Variants in CACNA2D3 observed in about 807,000 individuals in gnomAD.
CACNA2D3 encodes voltage-dependent calcium channel subunit alpha-2/delta-3.
In CACNA2D3, 60 loss-of-function variants were observed where a neutral mutation model predicts 160.6. The ratio of observed to expected loss-of-function variants is 0.37; its 90% CI spans 0.30 to 0.46. CACNA2D3 has a LOEUF of 0.46. Among genes scored for constraint, CACNA2D3 ranks in the 20% least tolerant of loss-of-function variants. CACNA2D3 has a pLI of 1.00. For missense variants in CACNA2D3, 1,205 were observed against 1,365.0 expected, an observed-to-expected ratio of 0.88 and a Z score of 1.85; for synonymous variants, 558 against 492.9, an observed-to-expected ratio of 1.13 and a Z score of -1.75.
chr3:54,385,838 A>G, intron 3 of CACNA2D3: 1 of 461,386 alleles, frequency 2.2e-6, no homozygotes, highest in South Asian at 1.6e-5. Flanking sequence ...TGACCACAGG[A>G]GAAATAGAAG....
At chr3:54,987,325 T>C (rs1271729789) in intron 30 of CACNA2D3, among the ~76,000 whole-genome samples, 3 of 152,218 alleles carry the variant, frequency 2.0e-5, no homozygotes, top group Admixed American at 6.5e-5. Context: ...AGTCTGTTTC[T>C]GCCTATATGA....
chr3:54,976,213 A>G (rs1025929705), intron 29 of CACNA2D3, among the ~76,000 whole-genome samples: 6 of 150,774 alleles, frequency 4.0e-5, no homozygotes, highest in Admixed American at 2.0e-4. Flanking sequence ...GCCAGTAGAA[A>G]GAGTGTGGGC....
intron 5 of CACNA2D3, among the ~76,000 whole-genome samples, chr3:54,520,057 T>G (rs1008245600): frequency 1.3e-5 from 2 of 152,350 alleles, no homozygotes; most frequent in South Asian, 2.1e-4. Flanking sequence ...GAAACTAAAG[T>G]GGCCAGTGGA....
intron 13 of CACNA2D3, among the ~76,000 whole-genome samples, chr3:54,795,452 A>G (rs189023802): frequency 2.0e-5 from 3 of 152,270 alleles, no homozygotes; most frequent in Admixed American, 1.3e-4. Flanking sequence ...TGAACAGATA[A>G]TGAGCATAAT....
At chr3:54,801,214 C>G (rs1054351918) in intron 13 of CACNA2D3, among the ~76,000 whole-genome samples, 1 of 152,116 alleles carries the variant, frequency 6.6e-6, no homozygotes, top group Non-Finnish European at 1.5e-5. Context: ...TGTCAAACTC[C>G]TGACCTCAAG....
intron 29 of CACNA2D3, among the ~76,000 whole-genome samples, chr3:54,979,132 G>A (rs1267715899): frequency 6.6e-6 from 1 of 152,144 alleles, no homozygotes; most frequent in East Asian, 1.9e-4. Flanking sequence ...TATGAGTTGA[G>A]TAAATTCTTC....
In CACNA2D3 at chr3:54,721,446, A is replaced by AT. The variant is rs1313330946; in HGVS notation, c.1168-31146dup. ...TGGGGTACAGAATTCCGAGGCTTAC[A>AT]TTTTTTTCAGTTCTTTAAAGATATG... is the stretch of plus-strand genomic sequence containing the variant. On this transcript the variant is annotated intron_variant, in intron 11 of 37. Transcript: ENST00000474759. Among the ~76,000 whole-genome samples, 10 of 152,062 alleles carry AT rather than the reference A, an allele frequency of 6.6e-5. No individual in the cohort carries two copies. The East Asian group carries it at 1.7e-3, about 27-fold the overall frequency.
intron 4 of CACNA2D3, among the ~76,000 whole-genome samples, chr3:54,387,996 G>A (rs962212377): frequency 7.2e-5 from 11 of 152,326 alleles, no homozygotes; most frequent in African/African-American, 2.6e-4. Context: ...ACCCTCATCT[G>A]TGTCTTTTGC....
chr3:54,262,750 A>G (rs1702426679), intron 2 of CACNA2D3, among the ~76,000 whole-genome samples: 1 of 152,222 alleles, frequency 6.6e-6, no homozygotes, highest in African/African-American at 2.4e-5. Context: ...CTAGCCAAGA[A>G]GAAGCCATTA....
intron 11 of CACNA2D3, among the ~76,000 whole-genome samples, chr3:54,749,923 C>A (rs1351035506): frequency 6.6e-6 from 1 of 152,140 alleles, no homozygotes; most frequent in East Asian, 1.9e-4. Flanking sequence ...GGGGATGGTG[C>A]TGATTGTAGC....
intron 9 of CACNA2D3, among the ~76,000 whole-genome samples, chr3:54,603,564 A>G (rs1703104539): frequency 6.6e-6 from 1 of 152,186 alleles, no homozygotes; most frequent in East Asian, 1.9e-4. Context: ...GACCCGGGGA[A>G]GGCTGTTCGT....
chr3:54,680,697 A>G (rs944017175), intron 11 of CACNA2D3, among the ~76,000 whole-genome samples: 10 of 152,196 alleles, frequency 6.6e-5, no homozygotes, highest in Non-Finnish European at 1.3e-4. Context: ...GTCCTCCCTG[A>G]GTGCTCTCAT....
chr3:54,415,813 C>T (rs914594446), intron 4 of CACNA2D3, among the ~76,000 whole-genome samples: 2 of 152,192 alleles, frequency 1.3e-5, no homozygotes, highest in Admixed American at 1.3e-4. Context: ...ACACCTAAGT[C>T]TTTCTGGCTT....
chr3:54,645,941 C>T (rs1699625844), intron 11 of CACNA2D3, among the ~76,000 whole-genome samples: 1 of 151,906 alleles, frequency 6.6e-6, no homozygotes, highest in Non-Finnish European at 1.5e-5. Flanking sequence ...CCTGCCTGAG[C>T]CCTTCCCCCT....
At chr3:54,156,754 G>A (rs1228936315) in intron 2 of CACNA2D3, among the ~76,000 whole-genome samples, 1 of 152,182 alleles carries the variant, frequency 6.6e-6, no homozygotes, top group Non-Finnish European at 1.5e-5. Context: ...CCACGTGAGG[G>A]AGCCACTTTG....
chr3:54,318,341 A>C (rs982434846), intron 2 of CACNA2D3, among the ~76,000 whole-genome samples: 3 of 152,156 alleles, frequency 2.0e-5, no homozygotes, highest in Non-Finnish European at 4.4e-5. Flanking sequence ...TTCAGGTGAG[A>C]TGCAAGAGAA....
At chr3:54,811,023 C>T (rs903939600) in intron 13 of CACNA2D3, among the ~76,000 whole-genome samples, 1 of 152,140 alleles carries the variant, frequency 6.6e-6, no homozygotes, top group African/African-American at 2.4e-5. Context: ...GGTGGGATGT[C>T]CCCGATTGAG....
At chr3:55,026,767 A>G (rs1268581818) in intron 35 of CACNA2D3, among the ~76,000 whole-genome samples, 1 of 152,142 alleles carries the variant, frequency 6.6e-6, no homozygotes, top group Non-Finnish European at 1.5e-5. Flanking sequence ...TGCCCTTTTG[A>G]TCCTGTCAAA....
chr3:54,295,073 AAGAAGGAGACAC>A (rs1324663299), intron 2 of CACNA2D3, among the ~76,000 whole-genome samples: 2 of 152,176 alleles, frequency 1.3e-5, no homozygotes, highest in Non-Finnish European at 2.9e-5. Flanking sequence ...ATGGATGATG[AAGAAGGAGACAC>A]AGAATGAGAC....
Sources: gnomAD v4.1 joint callset for allele counts (sites outside exome capture counted in the v4.1 genomes callset) on GRCh38, gnomAD v4.1.1 for gene constraint, MANE v1.5 for transcripts, NCBI Gene and HGNC (gene_info 2026-07-23, HGNC 2026-07-21) for gene names.